The following DNAAF11 variants were observed in gnomAD, a reference collection of about 807,000 sequenced individuals.
DNAAF11 encodes leucine rich repeat containing 6.
Under a neutral mutation model 60.8 loss-of-function variants are expected in DNAAF11, and 45 were observed. That is an observed-to-expected ratio of 0.74 (90% CI 0.58 to 0.95). DNAAF11 has a LOEUF of 0.95. DNAAF11 is among the 40% of genes least tolerant of loss of function. The probability of loss-of-function intolerance (pLI) is 0.00; values close to 1 mark genes in which losing one functional copy is unlikely to be tolerated. For missense variants in DNAAF11, 546 were observed against 546.2 expected, an observed-to-expected ratio of 1.00 and a Z score of 0.00; for synonymous variants, 191 against 183.5, an observed-to-expected ratio of 1.04 and a Z score of -0.33.
upstream of DNAAF11, among the ~76,000 whole-genome samples, chr8:132,679,982 C>T (rs752343960): frequency 1.3e-4 from 20 of 152,142 alleles, no homozygotes; most frequent in Non-Finnish European, 2.2e-4. Flanking sequence ...GGGAAATCAG[C>T]AATATCTTCT....
At chr8:132,608,054 T>C (rs181423877) in intron 10 of DNAAF11, among the ~76,000 whole-genome samples, 1 of 152,308 alleles carries the variant, frequency 6.6e-6, no homozygotes, top group East Asian at 1.9e-4. Flanking sequence ...AGATGTTAAC[T>C]TTCAGAAATA....
At chr8:132,594,716 C>T (rs1241932984) in intron 10 of DNAAF11, among the ~76,000 whole-genome samples, 1 of 152,130 alleles carries the variant, frequency 6.6e-6, no homozygotes, top group Non-Finnish European at 1.5e-5. Context: ...GGCTCTCTCA[C>T]CTGCTGTCAT....
In DNAAF11 at chr8:132,653,881, T is replaced by C. The variant is rs139237064; in HGVS notation, c.256+2949A>G. The stretch of plus-strand genomic sequence containing the variant: ...AGACATAAGATATATAGAAAACACA[T>C]TGCAGATAACAGACACAAATTCTGC... On this transcript the variant is annotated intron_variant, in intron 3 of 11. Coordinates refer to ENST00000620350, the MANE Select transcript of DNAAF11 (RefSeq NM_012472.6). Among the ~76,000 whole-genome samples, 741 of 152,206 alleles carry C rather than the reference T, an allele frequency of 4.9e-3. 4 individuals carry two copies. The highest frequency in any genetic ancestry group is 6.8e-3 in the Non-Finnish European group (462 of 67,946).
At chr8:132,597,297 G>A (rs1434669622) in intron 10 of DNAAF11, among the ~76,000 whole-genome samples, 1 of 152,136 alleles carries the variant, frequency 6.6e-6, no homozygotes, top group Non-Finnish European at 1.5e-5. Flanking sequence ...ATTCTTGAGA[G>A]CACCACCTGC....
chr8:132,666,643 G>GA (rs988501331), intron 1 of DNAAF11, among the ~76,000 whole-genome samples: 3 of 151,990 alleles, frequency 2.0e-5, no homozygotes, highest in African/African-American at 4.8e-5. Context: ...CAATTAACCA[G>GA]AAAAAAAGAA....
chr8:132,689,184 C>A, the DNAAF11 span, among the ~76,000 whole-genome samples: 1 of 152,098 alleles, frequency 6.6e-6, no homozygotes, highest in Non-Finnish European at 1.5e-5. Context: ...CCTTGAGTAG[C>A]CTCTTTTGTA....
intron 6 of DNAAF11, among the ~76,000 whole-genome samples, chr8:132,623,552 T>TA (rs963969489): frequency 2.0e-5 from 3 of 152,128 alleles, no homozygotes; most frequent in Non-Finnish European, 4.4e-5. Flanking sequence ...TAAAATGCAG[T>TA]ATGTAAATTC....
chr8:132,684,669 C>T, the DNAAF11 span, among the ~76,000 whole-genome samples: 5 of 152,202 alleles, frequency 3.3e-5, no homozygotes, highest in African/African-American at 1.2e-4. Context: ...GAGATTGCCT[C>T]CTAGAAACTG....
At chr8:132,683,987 G>C in the DNAAF11 span, among the ~76,000 whole-genome samples, 3 of 152,222 alleles carry the variant, frequency 2.0e-5, no homozygotes, top group Admixed American at 1.3e-4. Flanking sequence ...ATCCTGGCCA[G>C]ACTGTTTTAC....
chr8:132,681,335 G>A, the DNAAF11 span, among the ~76,000 whole-genome samples: 1 of 85,582 alleles, frequency 1.2e-5, no homozygotes, highest in Non-Finnish European at 2.4e-5. Context: ...TTTTTTTTTT[G>A]GCAAACAAAG....
intron 8 of DNAAF11, among the ~76,000 whole-genome samples, chr8:132,614,434 C>A (rs556305893): frequency 2.0e-5 from 3 of 152,182 alleles, no homozygotes; most frequent in African/African-American, 7.2e-5. Context: ...GATGCTTCCA[C>A]AAAGAAGAGA....
intron 2 of DNAAF11, among the ~76,000 whole-genome samples, chr8:132,658,679 A>T (rs1823832545): frequency 6.6e-6 from 1 of 152,174 alleles, no homozygotes; most frequent in South Asian, 2.1e-4. Flanking sequence ...CCTGAACAAA[A>T]TACTTTATTA....
At chr8:132,655,559 T>A (rs12707953) in intron 3 of DNAAF11, among the ~76,000 whole-genome samples, 77,559 of 152,040 alleles carry the variant, frequency 0.51, 22,954 homozygotes, top group African/African-American at 0.83. Context: ...TGCAAATCAA[T>A]TATCTGATCG....
chr8:132,702,433 T>C, the DNAAF11 span, among the ~76,000 whole-genome samples: 1 of 152,174 alleles, frequency 6.6e-6, no homozygotes, highest in Non-Finnish European at 1.5e-5. Flanking sequence ...AAGAAGTATT[T>C]ATTCAGCTAG....
chr8:132,674,699 G>T (rs1825608080), intron 1 of DNAAF11, among the ~76,000 whole-genome samples: 2 of 152,274 alleles, frequency 1.3e-5, no homozygotes, highest in East Asian at 3.9e-4. Flanking sequence ...GACCAGCCTG[G>T]CCAACATGGC....
intron 11 of DNAAF11, chr8:132,578,575 C>T: frequency 1.0e-6 from 1 of 989,164 alleles, no homozygotes; most frequent in Non-Finnish European, 1.5e-6. Flanking sequence ...AAAGAAAATG[C>T]CTAAAATTAA....
At chr8:132,639,858 A>C (rs1263549779) in intron 3 of DNAAF11, among the ~76,000 whole-genome samples, 8 of 149,832 alleles carry the variant, frequency 5.3e-5, no homozygotes, top group Non-Finnish European at 1.2e-4. Flanking sequence ...TAAACTGATA[A>C]AAAAAAAAAA....
intron 9 of DNAAF11, among the ~76,000 whole-genome samples, chr8:132,610,812 C>A (rs562432490): frequency 6.8e-4 from 104 of 152,284 alleles, no homozygotes; most frequent in African/African-American, 2.4e-3. Flanking sequence ...TATACCACTC[C>A]CATGATACAA....
At chr8:132,591,260 T>A (rs939926034) in intron 10 of DNAAF11, among the ~76,000 whole-genome samples, 3 of 152,190 alleles carry the variant, frequency 2.0e-5, no homozygotes, top group Non-Finnish European at 2.9e-5. Flanking sequence ...ACTTTTTTTT[T>A]AAATAGGAAT....
Sources: allele counts gnomAD v4.1 joint callset (sites outside exome capture counted in the v4.1 genomes callset), GRCh38; gene constraint gnomAD v4.1.1; transcripts MANE v1.5; gene names NCBI Gene and HGNC (gene_info 2026-07-23, HGNC 2026-07-21).